MSH4: variants seen among roughly 807,000 people sequenced by gnomAD.
MSH4 encodes the protein mutS homolog 4, also known as mutS protein homolog 4.
In MSH4, 106 loss-of-function variants were observed where a neutral mutation model predicts 113.7. The ratio of observed to expected loss-of-function variants is 0.93; its 90% CI spans 0.80 to 1.10. MSH4 has a LOEUF of 1.10. MSH4 is among the 50% of genes least tolerant of loss of function. The pLI, the probability that MSH4 is intolerant of heterozygous loss-of-function variation, is 0.00. For missense variants in MSH4, 1,061 were observed against 1,093.7 expected (o/e 0.97, Z 0.42); for synonymous variants, 368 against 380.2 (o/e 0.97, Z 0.37).
At chr1:75,849,467 A>G (rs768431985) in intron 8 of MSH4, among the ~76,000 whole-genome samples, 24 of 152,232 alleles carry the variant, frequency 1.6e-4, no homozygotes, top group Non-Finnish European at 2.8e-4. Flanking sequence ...ATTTGATGAC[A>G]TTTGTAAATC....
At chr1:75,877,845 C>G (rs1651848703) in intron 10 of MSH4, among the ~76,000 whole-genome samples, 1 of 152,080 alleles carries the variant, frequency 6.6e-6, no homozygotes, top group Non-Finnish European at 1.5e-5. Flanking sequence ...TATGACAGTT[C>G]TTTAGAGATG....
chr1:75,799,615 G>A (rs1316123754), intron 1 of MSH4, among the ~76,000 whole-genome samples: 1 of 152,178 alleles, frequency 6.6e-6, no homozygotes, highest in Non-Finnish European at 1.5e-5. Context: ...AGAAAAACAC[G>A]TGCAAAGGCA....
At chr1:75,816,252 G>T in intron 5 of MSH4, 121 bp from the exon 6 acceptor site, 1 of 523,148 alleles carries the variant, frequency 1.9e-6, no homozygotes, top group Non-Finnish European at 3.1e-6. Context: ...GAAATACCTG[G>T]TGTACCTTTT....
At chr1:75,847,644 G>A (rs150490296) in intron 7 of MSH4, among the ~76,000 whole-genome samples, 292 of 152,238 alleles carry the variant, frequency 1.9e-3, no homozygotes, top group African/African-American at 6.7e-3. Flanking sequence ...TCAGCCTCTG[G>A]TCAGGGCTTT....
intron 8 of MSH4, among the ~76,000 whole-genome samples, chr1:75,865,202 A>G (rs940311803): frequency 6.6e-6 from 1 of 152,100 alleles, no homozygotes; most frequent in African/African-American, 2.4e-5. Context: ...TTGCTCTCAA[A>G]TTCTAGTTTC....
intron 13 of MSH4, among the ~76,000 whole-genome samples, chr1:75,880,597 G>A (rs556791243): frequency 4.6e-5 from 7 of 152,186 alleles, no homozygotes; most frequent in African/African-American, 1.4e-4. Context: ...TTAGGCTGAA[G>A]TAATAAAGAG....
At chr1:75,864,679 G>T (rs926043149) in intron 8 of MSH4, among the ~76,000 whole-genome samples, 1 of 151,974 alleles carries the variant, frequency 6.6e-6, no homozygotes, top group Non-Finnish European at 1.5e-5. Context: ...TTTTCTATTT[G>T]GTTTATCTGC....
intron 15 of MSH4, among the ~76,000 whole-genome samples, chr1:75,886,570 GTTATT>G (rs1483489271): frequency 4.7e-5 from 3 of 63,180 alleles, no homozygotes; most frequent in African/African-American, 2.0e-4. Context: ...TTATATGCAA[GTTATT>G]ATGTATAATA....
chr1:75,909,397 G>T (rs1652738372), intron 19 of MSH4, among the ~76,000 whole-genome samples: 1 of 151,346 alleles, frequency 6.6e-6, no homozygotes, highest in African/African-American at 2.4e-5. Flanking sequence ...CCAGATATTT[G>T]CTTTTGGTTC....
intron 7 of MSH4, among the ~76,000 whole-genome samples, chr1:75,824,077 A>G (rs192829217): frequency 1.5e-3 from 222 of 152,060 alleles, no homozygotes; most frequent in African/African-American, 4.9e-3. Flanking sequence ...GGTTGAACTA[A>G]TTTAGACTCC....
At chr1:75,864,109 G>T (rs1157961675) in intron 8 of MSH4, among the ~76,000 whole-genome samples, 1 of 152,058 alleles carries the variant, frequency 6.6e-6, no homozygotes, top group Non-Finnish European at 1.5e-5. Flanking sequence ...TATATAAAGG[G>T]ATTATTCAAT....
At chr1:75,907,684 C>CATA (rs1652690842) in intron 19 of MSH4, among the ~76,000 whole-genome samples, 4 of 46,574 alleles carry the variant, frequency 8.6e-5, no homozygotes, top group African/African-American at 4.0e-4. Flanking sequence ...CTCTCTCTCT[C>CATA]TATACATATA....
intron 19 of MSH4, among the ~76,000 whole-genome samples, chr1:75,904,216 C>T (rs4612585): frequency 0.4 from 60,686 of 151,872 alleles, 13,766 homozygotes; most frequent in East Asian, 0.95. Flanking sequence ...GGATGAATTC[C>T]GTGTAATCAT....
In MSH4 at chr1:75,901,680, A is replaced by G. The variant is rs530285911; in HGVS notation, c.2619+1974A>G. On this transcript the variant is annotated intron_variant, in intron 19 of 19. Transcript: ENST00000263187. ...TTCTTTTGGATAGATGCCCAGCAGT[A>G]GGACTGCTGGATCATATGATAGTGC... Among the ~76,000 whole-genome samples the G allele has an allele frequency of 7.9e-5, 12 of 152,224 alleles. No individual in the cohort carries two copies. In the East Asian group the frequency reaches 2.3e-3, roughly 29 times the overall value.
Position 75,822,397 on chromosome 1 carries a change from G to T in MSH4, c.990-12G>T. 6.6e-7 allele frequency: 1 copy of T among 1,505,440 alleles called. No individual in the cohort carries two copies. Among genetic ancestry groups the T allele is most frequent in the Non-Finnish European group, 8.9e-7 (1 of 1,128,648 alleles). The allele number at this position is 1,505,440 out of a possible 1,614,324, so 93.3% of individuals were successfully genotyped here. ...CTTTGTATTCTTACTGACATTTCTT[G>T]TGTTTTGAAAGGAATAATCACACTC... On this transcript the variant is annotated splice_polypyrimidine_tract_variant and intron_variant, in intron 6 of 19. Transcript: ENST00000263187.
intron 1 of MSH4, among the ~76,000 whole-genome samples, chr1:75,798,387 G>A (rs1316322489): frequency 6.6e-6 from 1 of 152,024 alleles, no homozygotes; most frequent in East Asian, 1.9e-4. Flanking sequence ...CAAATTATGG[G>A]CATGTCATTA....
At chr1:75,893,302 T>G (rs1419808458) in intron 17 of MSH4, among the ~76,000 whole-genome samples, 2 of 152,190 alleles carry the variant, frequency 1.3e-5, no homozygotes, top group Non-Finnish European at 2.9e-5. Context: ...TTGAGATTGC[T>G]GAAAATCAAA....
At chr1:75,838,519 G>A (rs1650881973) in intron 7 of MSH4, among the ~76,000 whole-genome samples, 1 of 152,112 alleles carries the variant, frequency 6.6e-6, no homozygotes, top group South Asian at 2.1e-4. Flanking sequence ...CTGGGGGAGG[G>A]TGGTGGTTAC....
At chr1:75,808,738 G>C (rs1006847754) in intron 3 of MSH4, among the ~76,000 whole-genome samples, 3 of 152,108 alleles carry the variant, frequency 2.0e-5, no homozygotes, top group African/African-American at 7.2e-5. Flanking sequence ...TTTTTCAGAG[G>C]TAAAGAAAAC....
Sources: gnomAD v4.1 joint callset for allele counts (sites outside exome capture counted in the v4.1 genomes callset) on GRCh38, gnomAD v4.1.1 for gene constraint, MANE v1.5 for transcripts, NCBI Gene and HGNC (gene_info 2026-07-23, HGNC 2026-07-21) for gene names.